The following PCSK2 variants were observed in gnomAD, a reference collection of about 807,000 sequenced individuals.
The protein encoded by PCSK2 is neuroendocrine convertase 2.
In PCSK2, 14 loss-of-function variants were observed where a neutral mutation model predicts 69.7. That is an observed-to-expected ratio of 0.20 (90% CI 0.13 to 0.31). PCSK2 has a LOEUF of 0.31. PCSK2 is among the 10% of genes least tolerant of loss of function. The pLI, the probability that PCSK2 is intolerant of heterozygous loss-of-function variation, is 1.00. For missense variants in PCSK2, 544 were observed against 842.5 expected, an observed-to-expected ratio of 0.65 and a Z score of 4.39; for synonymous variants, 307 against 320.7, an observed-to-expected ratio of 0.96 and a Z score of 0.46.
chr20:17,421,538 A>T (rs1304302437), intron 6 of PCSK2, among the ~76,000 whole-genome samples: 2 of 152,152 alleles, frequency 1.3e-5, no homozygotes, highest in African/African-American at 4.8e-5. Context: ...TCCAAAGCCA[A>T]GGGTGAAAAG....
chr20:17,384,106 A>T (rs1362029815), intron 5 of PCSK2, among the ~76,000 whole-genome samples: 3 of 152,206 alleles, frequency 2.0e-5, no homozygotes, highest in African/African-American at 7.2e-5. Context: ...TGCGTGTGCC[A>T]TTGTGTCCTA....
intron 10 of PCSK2, among the ~76,000 whole-genome samples, chr20:17,462,064 A>G (rs920898904): frequency 6.6e-6 from 1 of 152,182 alleles, no homozygotes; most frequent in African/African-American, 2.4e-5. Flanking sequence ...TGCTTGTTAA[A>G]AACACAGATA....
intron 1 of PCSK2, among the ~76,000 whole-genome samples, chr20:17,232,820 T>A (rs534200005): frequency 1.3e-5 from 2 of 152,310 alleles, no homozygotes; most frequent in South Asian, 2.1e-4. Flanking sequence ...ATAGATTTGA[T>A]CATAAGCATT....
intron 5 of PCSK2, among the ~76,000 whole-genome samples, chr20:17,378,406 A>C (rs1568625002): frequency 6.6e-6 from 1 of 152,062 alleles, no homozygotes; most frequent in Non-Finnish European, 1.5e-5. Flanking sequence ...TCATTTCCTT[A>C]CCCCAAATTC....
intron 2 of PCSK2, among the ~76,000 whole-genome samples, chr20:17,346,912 C>T (rs759531984): frequency 2.6e-5 from 4 of 152,236 alleles, no homozygotes; most frequent in Non-Finnish European, 5.9e-5. Context: ...CTTGGCACCT[C>T]GCTCCACAAG....
At chr20:17,367,131 T>C (rs1270925654) in intron 4 of PCSK2, among the ~76,000 whole-genome samples, 6 of 151,842 alleles carry the variant, frequency 4.0e-5, no homozygotes, top group Non-Finnish European at 8.8e-5. Flanking sequence ...ATCATTTATA[T>C]TTAGGTATAA....
At chr20:17,391,065 T>C (rs2031358935) in intron 5 of PCSK2, among the ~76,000 whole-genome samples, 1 of 152,256 alleles carries the variant, frequency 6.6e-6, no homozygotes, top group African/African-American at 2.4e-5. Context: ...ATGTGTTTCC[T>C]TGATCTTCTT....
intron 10 of PCSK2, among the ~76,000 whole-genome samples, chr20:17,457,350 C>T (rs1447681546): frequency 6.6e-6 from 1 of 152,174 alleles, no homozygotes; most frequent in East Asian, 1.9e-4. Context: ...TTGTCTCTCT[C>T]CACATAGGCA....
intron 1 of PCSK2, among the ~76,000 whole-genome samples, chr20:17,251,192 T>G (rs1158269494): frequency 6.6e-6 from 1 of 152,072 alleles, no homozygotes; most frequent in East Asian, 1.9e-4. Flanking sequence ...GTGTTCAAAG[T>G]AGAAAGTTTT....
intron 6 of PCSK2, among the ~76,000 whole-genome samples, chr20:17,417,966 A>G (rs1029481311): frequency 6.6e-6 from 1 of 152,234 alleles, no homozygotes; most frequent in Admixed American, 6.5e-5. Context: ...AAAAAGAGGT[A>G]ATAACAAAAC....
intron 1 of PCSK2, among the ~76,000 whole-genome samples, chr20:17,229,995 T>G (rs1352432034): frequency 1.3e-5 from 2 of 152,212 alleles, no homozygotes; most frequent in Non-Finnish European, 2.9e-5. Flanking sequence ...GGATGATACC[T>G]CCTATATTTC....
rs55852687 is a variant in PCSK2, at chr20:17,347,960, G to GAGAA, written c.283-10347_283-10344dup. Among the ~76,000 whole-genome samples, 9 of 68,060 alleles carry GAGAA rather than the reference G, an allele frequency of 1.3e-4. 1 individual carries two copies. The highest frequency in any genetic ancestry group is 1.8e-4 in the Admixed American group (1 of 5,664). 44.7% of individuals were successfully genotyped at this position (68,060 alleles called of 152,430 possible). A position where few individuals can be genotyped will look rare whatever the true frequency, so the allele number is the denominator to read the frequency against. On this transcript the variant is annotated intron_variant, in intron 2 of 11. Transcript: ENST00000262545. ...AGAAAGAAAGAAAGAAAGAAAGAAAGAGAAAGAAAGAAAGAAAGAAAGAGG... is the reference window on the plus strand; with the variant it reads ...AGAAAGAAAGAAAGAAAGAAAGAAAGAGAAAGAAAGAAAGAAAGAAAGAAAGAGG...
chr20:17,428,392 T>C (rs966180809), intron 6 of PCSK2, among the ~76,000 whole-genome samples: 2 of 146,200 alleles, frequency 1.4e-5, no homozygotes, highest in African/African-American at 2.4e-5. Flanking sequence ...CTTTGACTCA[T>C]ACAGAGAAAG....
chr20:17,338,909 G>A (rs183691573), intron 2 of PCSK2, among the ~76,000 whole-genome samples: 535 of 152,250 alleles, frequency 3.5e-3, no homozygotes, highest in Admixed American at 5.2e-3. Context: ...CCAGCAAATC[G>A]ACCCTCCTTA....
At chr20:17,246,423 C>A (rs929656181) in intron 1 of PCSK2, among the ~76,000 whole-genome samples, 1 of 152,064 alleles carries the variant, frequency 6.6e-6, no homozygotes, top group Non-Finnish European at 1.5e-5. Flanking sequence ...GAGAACACGA[C>A]AAGGCAGATG....
rs1044641325 is a variant in PCSK2 at position 17,482,022 on chromosome 20, G to T, written c.1869G>T (p.Leu623=). ...AGAAAGAGGAGCTGGAGGAAGAGCT[G>T]GACGAAGCCGTGGAGAGAAGCCTGA... ...MSKKEELEEE[L]DEAVERSLKS... The change falls in exon 12 of 12, where the codon CTG becomes CTT. Residue 623 remains leucine, a synonymous_variant. Transcript: ENST00000262545. 5.0e-6 allele frequency: 8 copies of T among 1,610,416 alleles called. No individual in the cohort carries two copies. In the South Asian group the frequency reaches 6.6e-5, roughly 13 times the overall value.
chr20:17,321,761 C>G (rs1007377360), intron 2 of PCSK2, among the ~76,000 whole-genome samples: 1 of 152,130 alleles, frequency 6.6e-6, no homozygotes, highest in Admixed American at 6.5e-5. Context: ...TTTGACTAAC[C>G]TCTAATTGAT....
chr20:17,348,219 G>C (rs2029878463), intron 2 of PCSK2, among the ~76,000 whole-genome samples: 1 of 152,210 alleles, frequency 6.6e-6, no homozygotes, highest in South Asian at 2.1e-4. Context: ...CTTAGGAATG[G>C]ACTCCAGCTG....
At chr20:17,419,831 G>A (rs377693949) in intron 6 of PCSK2, among the ~76,000 whole-genome samples, 1 of 152,184 alleles carries the variant, frequency 6.6e-6, no homozygotes, top group Admixed American at 6.5e-5. Context: ...TTCTTTGACA[G>A]GTGTTCACTA....
Sources: gnomAD v4.1 joint callset for allele counts (sites outside exome capture counted in the v4.1 genomes callset) on GRCh38, gnomAD v4.1.1 for gene constraint, MANE v1.5 for transcripts, NCBI Gene and HGNC (gene_info 2026-07-23, HGNC 2026-07-21) for gene names.